Variants in MAD1L1 observed in about 807,000 individuals in gnomAD.
The protein encoded by MAD1L1 is mitotic arrest deficient 1 like 1.
In MAD1L1, 95 loss-of-function variants were observed where a neutral mutation model predicts 96.9. The observed-to-expected ratio is 0.98, with a 90% CI of 0.83 to 1.16. The LOEUF is 1.16. MAD1L1 is among the 50% of genes most tolerant of loss of function. MAD1L1 has a pLI of 0.00. For synonymous variants in MAD1L1, 473 were observed against 396.6 expected (o/e 1.19, Z -2.29); for missense variants, 1,007 against 954.4 (o/e 1.06, Z -0.73).
chr7:1,888,160 A>ATGTGTGCGGCTGCCTGTGCG (rs1230197309), intron 18 of MAD1L1, among the ~76,000 whole-genome samples: 1 of 135,044 alleles, frequency 7.4e-6, no homozygotes, highest in Non-Finnish European at 1.6e-5. Flanking sequence ...ATGTGTGTGC[A>ATGTGTGCGGCTGCCTGTGCG]TGTGTGCAGC....
chr7:2,177,069 A>T (rs1226465795), intron 10 of MAD1L1, among the ~76,000 whole-genome samples: 1 of 133,496 alleles, frequency 7.5e-6, no homozygotes, highest in Admixed American at 8.0e-5. Context: ...AGATCTGTCA[A>T]TGCCTTCACA....
At chr7:1,855,284 C>T (rs1343594906) in intron 18 of MAD1L1, among the ~76,000 whole-genome samples, 3 of 152,006 alleles carry the variant, frequency 2.0e-5, no homozygotes, top group East Asian at 1.9e-4. Flanking sequence ...CAAACGGTTG[C>T]GGGCCACACC....
chr7:2,059,668 G>A (rs1480072265), intron 12 of MAD1L1, among the ~76,000 whole-genome samples: 4 of 151,506 alleles, frequency 2.6e-5, no homozygotes, highest in Non-Finnish European at 5.9e-5. Flanking sequence ...CAGGGGACAG[G>A]AGAGGTGTGG....
At chr7:2,051,538 C>CA (rs1784169397) in intron 12 of MAD1L1, among the ~76,000 whole-genome samples, 1 of 152,154 alleles carries the variant, frequency 6.6e-6, no homozygotes, top group South Asian at 2.1e-4. Context: ...GTTAGAAACT[C>CA]ACACTTAATG....
At chr7:1,867,875 G>T (rs191084978) in intron 18 of MAD1L1, among the ~76,000 whole-genome samples, 1 of 152,226 alleles carries the variant, frequency 6.6e-6, no homozygotes, top group Non-Finnish European at 1.5e-5. Flanking sequence ...GCGATGCATC[G>T]GAGGCAGTCC....
chr7:2,226,173 A>G, intron 3 of MAD1L1, among the ~76,000 whole-genome samples: 1 of 152,222 alleles, frequency 6.6e-6, no homozygotes, highest in East Asian at 1.9e-4. Context: ...CAGGGAGTGG[A>G]TCAAGCCCAC....
At chr7:1,923,284 T>A (rs1788901289) in intron 17 of MAD1L1, among the ~76,000 whole-genome samples, 1 of 152,228 alleles carries the variant, frequency 6.6e-6, no homozygotes, top group Non-Finnish European at 1.5e-5. Context: ...GGTTGGGTGT[T>A]TGCCCTGGTG....
chr7:2,008,715 G>A (rs1008474224), intron 13 of MAD1L1, among the ~76,000 whole-genome samples: 1 of 151,768 alleles, frequency 6.6e-6, no homozygotes, highest in Non-Finnish European at 1.5e-5. Flanking sequence ...AAGCTCAGGT[G>A]GGAAGGAACA....
chr7:2,014,474 C>T (rs759362411), intron 13 of MAD1L1, 28 bp downstream of exon 13: 39 of 1,534,848 alleles, frequency 2.5e-5, no homozygotes, highest in Admixed American at 3.6e-5. Context: ...CACCTGGCGA[C>T]GTGAGCCCCA....
intron 18 of MAD1L1, among the ~76,000 whole-genome samples, chr7:1,861,218 G>A (rs1784529320): frequency 6.6e-6 from 1 of 152,202 alleles, no homozygotes; most frequent in Non-Finnish European, 1.5e-5. Flanking sequence ...AGGCTCTGGG[G>A]AGCAGGGCAG....
chr7:2,118,783 C>G (rs1257288312), intron 11 of MAD1L1, among the ~76,000 whole-genome samples: 1 of 152,218 alleles, frequency 6.6e-6, no homozygotes, highest in Non-Finnish European at 1.5e-5. Context: ...AAGCACATCC[C>G]TCCAAAAGCC....
chr7:2,228,804 A>C (rs1430636087), intron 3 of MAD1L1, among the ~76,000 whole-genome samples: 1 of 151,264 alleles, frequency 6.6e-6, no homozygotes, highest in Non-Finnish European at 1.5e-5. Context: ...GCGGTGGCGC[A>C]ATCTCAGCTC....
chr7:2,193,516 C>A (rs1404156286), intron 10 of MAD1L1: 2 of 152,264 alleles, frequency 1.3e-5, no homozygotes, highest in Non-Finnish European at 2.9e-5. Flanking sequence ...AAGCCCTCAA[C>A]AAATATTTGT....
At chr7:2,089,487 T>C (rs1434733658) in intron 11 of MAD1L1, among the ~76,000 whole-genome samples, 1 of 152,186 alleles carries the variant, frequency 6.6e-6, no homozygotes, top group Non-Finnish European at 1.5e-5. Context: ...TGTGGAACCA[T>C]AAGTCCAATT....
intron 10 of MAD1L1, among the ~76,000 whole-genome samples, chr7:2,182,366 A>G (rs952393948): frequency 3.9e-5 from 6 of 152,032 alleles, no homozygotes; most frequent in African/African-American, 1.4e-4. Flanking sequence ...AATTCAGAGA[A>G]ACCGGAATCT....
intron 11 of MAD1L1, among the ~76,000 whole-genome samples, chr7:2,122,881 G>A (rs926503431): frequency 2.6e-5 from 4 of 152,200 alleles, no homozygotes; most frequent in Non-Finnish European, 4.4e-5. Context: ...GGTGACGGCC[G>A]CCGTCCACCC....
rs565988193 is a variant in MAD1L1, at chr7:1,999,861, G to A, written c.1416+2204C>T. Among the ~76,000 whole-genome samples the A allele has an allele frequency of 1.1e-4, 16 of 152,290 alleles. No individual in the cohort carries two copies. The South Asian group carries it at 3.3e-3, about 32-fold the overall frequency. ...GCTCCCCTTCCGGGTCTTCTCTGCA[G>A]TCTGACTGTCCCCTGAAAACACTTC... On this transcript the variant is annotated intron_variant, in intron 14 of 18. Coordinates refer to ENST00000265854, the MANE Select transcript of MAD1L1 (RefSeq NM_001013836.2).
Position 2,181,812 on chromosome 7 carries a change from C to CTATATA in MAD1L1, c.986+31394_986+31399dup, listed in dbSNP as rs35246222. On this transcript the variant is annotated intron_variant, in intron 10 of 18. Coordinates refer to ENST00000265854, the MANE Select transcript of MAD1L1 (RefSeq NM_001013836.2). Reference sequence around the variant, plus strand: ...CGAGTGGATAAAGAAAATGTGGTCTCTATATATATATATATATCATAGAAT... The same window carrying CTATATA: ...CGAGTGGATAAAGAAAATGTGGTCTCTATATATATATATATATATATATCATAGAAT... 2.5e-3 allele frequency among the ~76,000 whole-genome samples: 376 copies of CTATATA among 149,404 alleles called. 2 individuals carry two copies. The highest frequency in any genetic ancestry group is 8.5e-3 in the African/African-American group (346 of 40,812).
rs1172548561 is a variant in MAD1L1, at chr7:2,219,462, A to C, written c.472-6T>G. The C allele has an allele frequency of 6.2e-7, 1 of 1,613,152 alleles. No individual in the cohort carries two copies. The highest frequency in any genetic ancestry group is 8.5e-7 in the Non-Finnish European group (1 of 1,179,596). On this transcript the variant is annotated splice_polypyrimidine_tract_variant and splice_region_variant and intron_variant, in intron 5 of 18. Coordinates refer to ENST00000265854, the MANE Select transcript of MAD1L1 (RefSeq NM_001013836.2). ...CCCTTCAGTGCGTTGATGGTCTAAA[A>C]GTAGAGGGGACCAGAGAGCCGCTCA...
Sources: gnomAD v4.1 joint callset for allele counts (sites outside exome capture counted in the v4.1 genomes callset) on GRCh38, gnomAD v4.1.1 for gene constraint, MANE v1.5 for transcripts, NCBI Gene and HGNC (gene_info 2026-07-23, HGNC 2026-07-21) for gene names.